The following CUL5 variants were observed in gnomAD, a reference collection of about 807,000 sequenced individuals.
CUL5 encodes cullin 5.
In CUL5, 26 loss-of-function variants were observed where a neutral mutation model predicts 108.8. The ratio of observed to expected loss-of-function variants is 0.24; its 90% confidence interval spans 0.18 to 0.33. The LOEUF (loss-of-function observed/expected upper bound fraction) is 0.33, where lower values mean the gene tolerates loss of function less well. Ranked by LOEUF, CUL5 falls within the 10% of genes least tolerant of loss-of-function variation. CUL5 has a pLI of 1.00. For synonymous variants in CUL5, 334 were observed against 298.0 expected (o/e 1.12, Z -1.25); for missense variants, 524 against 909.2 (o/e 0.58, Z 5.45).
intron 18 of CUL5, among the ~76,000 whole-genome samples, chr11:108,101,881 TTTCCTTC>T (rs746739427): frequency 1.4e-4 from 22 of 152,184 alleles, no homozygotes; most frequent in Non-Finnish European, 2.6e-4. Flanking sequence ...AGGAACACAC[TTTCCTTC>T]TTCCTTCTTC....
intron 10 of CUL5, among the ~76,000 whole-genome samples, chr11:108,077,620 A>T (rs2135198102): frequency 7.3e-6 from 1 of 137,136 alleles, no homozygotes. Flanking sequence ...AACGAGTGAA[A>T]CTCTGTCTCC....
chr11:108,046,983 A>T (rs1284010840), intron 3 of CUL5, among the ~76,000 whole-genome samples: 1 of 152,124 alleles, frequency 6.6e-6, no homozygotes, highest in Admixed American at 6.6e-5. Flanking sequence ...TATCATTTTG[A>T]GGAGGACCCT....
chr11:108,013,053 C>G (rs1169672400), intron 1 of CUL5, among the ~76,000 whole-genome samples: 3 of 152,120 alleles, frequency 2.0e-5, no homozygotes, highest in Non-Finnish European at 4.4e-5. Context: ...TGTATAGAAC[C>G]TGTCAGTCAT....
At chr11:108,048,267 A>G (rs1343225754) in intron 3 of CUL5, among the ~76,000 whole-genome samples, 1 of 152,208 alleles carries the variant, frequency 6.6e-6, no homozygotes, top group Non-Finnish European at 1.5e-5. Context: ...AAAAAGTAAA[A>G]ATAATAAACA....
rs1862416274 is a variant in CUL5 at position 108,024,752 on chromosome 11, C to T, written c.25-9050C>T. Among the ~76,000 whole-genome samples, 3 of 151,894 alleles carry T rather than the reference C, an allele frequency of 2.0e-5. No individual in the cohort carries two copies. The South Asian group carries it at 6.3e-4, about 32-fold the overall frequency. ...ACAAAATTTGTTGGCCTTTATAATC[C>T]CCAATTAGTGAAATGCCATATATTT... On this transcript the variant is annotated intron_variant, in intron 1 of 18. Transcript: ENST00000393094.
At position 108,021,624 on chromosome 11, in the gene CUL5, A is replaced by G. The variant is rs374506419; in HGVS notation, c.25-12178A>G. On this transcript the variant is annotated intron_variant, in intron 1 of 18. Coordinates refer to ENST00000393094, the MANE Select transcript of CUL5 (RefSeq NM_003478.6). ...CTCAACCTCTGGAGTAGCTGTTGGGACTACTGGTGTGCACCACCACACCCA... is the reference window on the plus strand; with the variant it reads ...CTCAACCTCTGGAGTAGCTGTTGGGGCTACTGGTGTGCACCACCACACCCA... 2.2e-3 allele frequency among the ~76,000 whole-genome samples: 328 copies of G among 151,686 alleles called. 1 individual carries two copies. Among genetic ancestry groups the G allele is most frequent in the African/African-American group, 7.6e-3 (316 of 41,344 alleles).
chr11:108,093,731 A>C (rs901568054), intron 13 of CUL5, among the ~76,000 whole-genome samples: 1 of 152,210 alleles, frequency 6.6e-6, no homozygotes, highest in Non-Finnish European at 1.5e-5. Flanking sequence ...TTTTTCAAGC[A>C]ACAGGATCTT....
In CUL5 at chr11:108,094,912, G is replaced by C. The variant is rs146843253; in HGVS notation, c.1668G>C (p.Pro556=). The change falls in exon 15 of 19, where the codon CCG becomes CCC. Residue 556 remains proline, a synonymous_variant. Transcript: ENST00000393094. Reference sequence around the variant, plus strand: ...CTACTGAACTGGAGGACTTGATACCGGAAGTAGAAGAATTCTACAAAAAAA... The same window carrying C: ...CTACTGAACTGGAGGACTTGATACCCGAAGTAGAAGAATTCTACAAAAAAA... ...SLPTELEDLI[P]EVEEFYKKNH... The C allele has an allele frequency of 5.0e-6, 8 of 1,612,790 alleles. No homozygotes were observed. The highest frequency in any genetic ancestry group is 6.8e-6 in the Non-Finnish European group (8 of 1,179,108).
At chr11:108,065,095 G>A (rs946129850) in intron 7 of CUL5, among the ~76,000 whole-genome samples, 5 of 151,680 alleles carry the variant, frequency 3.3e-5, no homozygotes, top group East Asian at 3.9e-4. Context: ...GCATGATCTC[G>A]GCTCACTGCA....
intron 12 of CUL5, among the ~76,000 whole-genome samples, chr11:108,089,278 C>T (rs946458501): frequency 1.3e-5 from 2 of 151,830 alleles, no homozygotes; most frequent in Admixed American, 6.6e-5. Flanking sequence ...ATATTTAGAC[C>T]GACTAACAAT....
chr11:108,103,450 A>G (rs755918192), intron 18 of CUL5, among the ~76,000 whole-genome samples: 8 of 147,608 alleles, frequency 5.4e-5, no homozygotes, highest in African/African-American at 8.1e-5. Flanking sequence ...AATTGAGTCA[A>G]TATAAACTGA....
chr11:108,075,747 T>G (rs1863926092), intron 10 of CUL5, among the ~76,000 whole-genome samples: 1 of 152,128 alleles, frequency 6.6e-6, no homozygotes, highest in Non-Finnish European at 1.5e-5. Flanking sequence ...CTATGTTGTT[T>G]GGGCTGGTCT....
chr11:108,035,074 G>T (rs548273619), intron 2 of CUL5, among the ~76,000 whole-genome samples: 1 of 152,278 alleles, frequency 6.6e-6, no homozygotes, highest in African/African-American at 2.4e-5. Context: ...AGGAAAGAGA[G>T]AACTAGAGTC....
At chr11:108,012,278 A>G (rs757062451) in intron 1 of CUL5, among the ~76,000 whole-genome samples, 3 of 151,866 alleles carry the variant, frequency 2.0e-5, no homozygotes, top group Non-Finnish European at 4.4e-5. Context: ...TTTCCAGTTT[A>G]TTGTTCCACC....
intron 1 of CUL5, among the ~76,000 whole-genome samples, chr11:108,012,683 G>A (rs139508804): frequency 0.014 from 2,080 of 148,226 alleles, 44 homozygotes; most frequent in African/African-American, 0.049. Flanking sequence ...TGCAACCTCC[G>A]CCTCCCAGGT....
intron 1 of CUL5, among the ~76,000 whole-genome samples, chr11:108,011,648 G>A (rs374033647): frequency 6.6e-6 from 1 of 151,342 alleles, no homozygotes; most frequent in East Asian, 1.9e-4. Flanking sequence ...TTTTGGAGGG[G>A]GACGGAGTCT....
intron 3 of CUL5, 97 bp downstream of exon 3, chr11:108,046,466 A>G (rs1190144427): frequency 3.1e-5 from 20 of 650,226 alleles, no homozygotes; most frequent in Non-Finnish European, 4.4e-5. Flanking sequence ...AGTAATTTCA[A>G]AATATTGCAT....
At chr11:108,061,111 A>C (rs1054122356) in intron 7 of CUL5, among the ~76,000 whole-genome samples, 3 of 152,236 alleles carry the variant, frequency 2.0e-5, no homozygotes, top group African/African-American at 7.2e-5. Flanking sequence ...AGTTGATGGC[A>C]TATGGCAAAA....
rs1389662922 is a variant in CUL5 at position 108,104,964 on chromosome 11, A to G, written c.*580A>G. On this transcript the variant is annotated 3_prime_UTR_variant, in exon 19 of 19. Transcript: ENST00000393094. ...AAACATTGCTCAGTATAATAACTGG[A>G]TTTTAATGGTGACCTAAAAATGGTA... 1 of 152,538 alleles carries G rather than the reference A, an allele frequency of 6.6e-6. No homozygotes were observed. 9.4% of individuals were successfully genotyped at this position (152,538 alleles called of 1,614,324 possible).
Sources: gnomAD v4.1 joint callset for allele counts (sites outside exome capture counted in the v4.1 genomes callset) on GRCh38, gnomAD v4.1.1 for gene constraint, MANE v1.5 for transcripts, NCBI Gene and HGNC (gene_info 2026-07-23, HGNC 2026-07-21) for gene names.